GNG4: variants seen among roughly 807,000 people sequenced by gnomAD.
GNG4 encodes G protein subunit gamma 4.
GNG4 carries 4 observed loss-of-function variants against 5.8 expected under a neutral mutation model. The ratio of observed to expected loss-of-function variants is 0.69; its 90% CI spans 0.34 to 1.57. GNG4 has a LOEUF of 1.57. Ranked by LOEUF, GNG4 falls within the 40% of genes most tolerant of loss-of-function variation. GNG4 has a pLI of 0.06. For missense variants in GNG4, 96 were observed against 95.1 expected, an observed-to-expected ratio of 1.01 and a Z score of -0.04; for synonymous variants, 29 against 32.9, an observed-to-expected ratio of 0.88 and a Z score of 0.41.
intron 1 of GNG4, among the ~76,000 whole-genome samples, chr1:235,641,519 T>C (rs903852263): frequency 6.6e-6 from 1 of 152,118 alleles, no homozygotes; most frequent in African/African-American, 2.4e-5. Context: ...GGTGAAACCC[T>C]GTCTCTACTA....
chr1:235,577,544 G>T (rs1687517687), intron 3 of GNG4, among the ~76,000 whole-genome samples: 1 of 152,094 alleles, frequency 6.6e-6, no homozygotes, highest in Admixed American at 6.5e-5. Flanking sequence ...GGGTTCGAGT[G>T]ATTCTCCTGC....
chr1:235,565,437 G>A (rs1572616464), intron 3 of GNG4, among the ~76,000 whole-genome samples: 1 of 152,304 alleles, frequency 6.6e-6, no homozygotes, highest in South Asian at 2.1e-4. Flanking sequence ...CCAGGAGGAG[G>A]AGGCTGCAGT....
intron 1 of GNG4, among the ~76,000 whole-genome samples, chr1:235,599,114 T>G (rs972985312): frequency 6.6e-6 from 1 of 152,086 alleles, no homozygotes; most frequent in Non-Finnish European, 1.5e-5. Flanking sequence ...TTGGTGTGTA[T>G]GTCATGAAAC....
intron 2 of GNG4, among the ~76,000 whole-genome samples, chr1:235,593,928 C>T (rs12752240): frequency 0.35 from 53,709 of 151,990 alleles, 10,340 homozygotes; most frequent in East Asian, 0.79. Flanking sequence ...CATGGGGACC[C>T]AAGCAGATTA....
chr1:235,593,041 C>A (rs1424746564), intron 2 of GNG4, among the ~76,000 whole-genome samples: 1 of 151,724 alleles, frequency 6.6e-6, no homozygotes, highest in East Asian at 1.9e-4. Flanking sequence ...ATCCACCTCC[C>A]AGGTTCAAGC....
At chr1:235,629,793 T>C (rs531578074) in intron 1 of GNG4, among the ~76,000 whole-genome samples, 22 of 152,174 alleles carry the variant, frequency 1.4e-4, no homozygotes, top group Admixed American at 1.2e-3. Context: ...GGTTTTACCA[T>C]GTTGGCTAGG....
At chr1:235,557,128 C>T (rs1391391936) in intron 3 of GNG4, among the ~76,000 whole-genome samples, 2 of 152,100 alleles carry the variant, frequency 1.3e-5, no homozygotes, top group Non-Finnish European at 2.9e-5. Flanking sequence ...GTCCATGGCC[C>T]GGCGGTTGGG....
At chr1:235,570,927 C>CATAT (rs575887309) in intron 3 of GNG4, among the ~76,000 whole-genome samples, 72,695 of 117,222 alleles carry the variant, frequency 0.62, 23,807 homozygotes, top group East Asian at 0.84. Flanking sequence ...TATATATACA[C>CATAT]ACACACACAC....
At chr1:235,632,797 A>T (rs542893430) in intron 1 of GNG4, among the ~76,000 whole-genome samples, 2 of 152,374 alleles carry the variant, frequency 1.3e-5, no homozygotes, top group East Asian at 3.9e-4. Context: ...TAACAACTTA[A>T]TGGCTCGATT....
At chr1:235,587,157 G>C (rs111663169) in intron 2 of GNG4, among the ~76,000 whole-genome samples, 275 of 151,112 alleles carry the variant, frequency 1.8e-3, no homozygotes, top group African/African-American at 6.1e-3. Flanking sequence ...TGTGGGGTGG[G>C]GGTGAGCGTG....
At chr1:235,650,078 C>A (rs1330070562), upstream of GNG4, 1 of 150,866 alleles carries the variant, frequency 6.6e-6, no homozygotes. Flanking sequence ...GCTGCGTCAC[C>A]GGGGCTCCCG....
chr1:235,632,612 G>T (rs191652849), intron 1 of GNG4, among the ~76,000 whole-genome samples: 2 of 152,142 alleles, frequency 1.3e-5, no homozygotes, highest in East Asian at 3.8e-4. Flanking sequence ...GTATGACTTT[G>T]AACAAGGTTT....
chr1:235,570,923 T>TACACAC (rs1553365414), intron 3 of GNG4, among the ~76,000 whole-genome samples: 1 of 97,330 alleles, frequency 1.0e-5, no homozygotes, highest in Non-Finnish European at 2.1e-5. Context: ...CATATATATA[T>TACACAC]ACACACACAC....
chr1:235,563,294 G>A (rs186600646), intron 3 of GNG4, among the ~76,000 whole-genome samples: 6 of 151,294 alleles, frequency 4.0e-5, no homozygotes, highest in African/African-American at 9.7e-5. Flanking sequence ...GTAGCGGTGC[G>A]CACCTGTAGT....
At chr1:235,643,096 C>T (rs997110751) in intron 1 of GNG4, among the ~76,000 whole-genome samples, 1 of 152,196 alleles carries the variant, frequency 6.6e-6, no homozygotes. Context: ...CCCCACGCCT[C>T]CGACCTTCCC....
At chr1:235,627,796 A>G (rs1413931898) in intron 1 of GNG4, among the ~76,000 whole-genome samples, 1 of 152,154 alleles carries the variant, frequency 6.6e-6, no homozygotes, top group Non-Finnish European at 1.5e-5. Flanking sequence ...GAAAATCAGG[A>G]TCCTTAGTTT....
rs551656741 is a variant in GNG4, at chr1:235,554,787, A to G, written c.100-2550T>C. On this transcript the variant is annotated intron_variant, in intron 3 of 3. Coordinates refer to ENST00000391854, the MANE Select transcript of GNG4 (RefSeq NM_001098722.2). ...TTGAACTCGGGAGTTGGAAGTTGCA[A>G]TGAGCTGAGATTGTGCCACTGCACT... Among the ~76,000 whole-genome samples the G allele has an allele frequency of 2.1e-3, 314 of 150,494 alleles. 1 individual carries two copies. The highest frequency in any genetic ancestry group is 7.3e-3 in the African/African-American group (301 of 41,038).
chr1:235,628,997 T>A (rs1191655308), intron 1 of GNG4, among the ~76,000 whole-genome samples: 1 of 146,646 alleles, frequency 6.8e-6, no homozygotes, highest in Non-Finnish European at 1.5e-5. Context: ...GCTTGAATTT[T>A]TTTTTTTTTT....
At chr1:235,557,142 C>T (rs1287359854) in intron 3 of GNG4, among the ~76,000 whole-genome samples, 1 of 150,190 alleles carries the variant, frequency 6.7e-6, no homozygotes, top group African/African-American at 2.5e-5. Flanking sequence ...GGTTGGGGAC[C>T]CGTTTTATAC....
Sources: gnomAD v4.1 joint callset for allele counts (sites outside exome capture counted in the v4.1 genomes callset) on GRCh38, gnomAD v4.1.1 for gene constraint, MANE v1.5 for transcripts, NCBI Gene and HGNC (gene_info 2026-07-23, HGNC 2026-07-21) for gene names.